XYLT1: variants seen among roughly 807,000 people sequenced by gnomAD.
XYLT1 encodes beta-D-xylosyltransferase 1.
A neutral mutation model predicts 91.3 loss-of-function variants in XYLT1; 36 were observed. The observed-to-expected ratio is 0.39, with a 90% CI of 0.30 to 0.52. The LOEUF (loss-of-function observed/expected upper bound fraction) is 0.52. XYLT1 is among the 20% of genes least tolerant of loss of function. The pLI is 0.68. For missense variants in XYLT1, 1,242 were observed against 1,284.5 expected, an observed-to-expected ratio of 0.97 and a Z score of 0.51; for synonymous variants, 588 against 532.0, an observed-to-expected ratio of 1.11 and a Z score of -1.45.
intron 2 of XYLT1, among the ~76,000 whole-genome samples, chr16:17,327,311 C>T (rs1024516772): frequency 6.0e-5 from 9 of 151,190 alleles, no homozygotes; most frequent in East Asian, 1.9e-4. Flanking sequence ...CAGCCATACT[C>T]GGGTTGAATG....
Position 17,104,943 on chromosome 16 carries a change from T to A in XYLT1, c.*3752A>T, listed in dbSNP as rs2141472246. On this transcript the variant is annotated 3_prime_UTR_variant, in exon 12 of 12. Transcript: ENST00000261381. ...TAAACATTTGTAACCCCTACCACAG[T>A]GTGTGGCTTTGATCCTGCAGGTCTA... 6.6e-6 allele frequency: 1 copy of A among 152,378 alleles called. No homozygotes were observed. The highest frequency in any genetic ancestry group is 1.9e-4 in the East Asian group (1 of 5,184). The allele number at this position is 152,378 out of a possible 1,614,324, so 9.4% of individuals were successfully genotyped here.
chr16:17,233,813 T>A (rs562162643), intron 3 of XYLT1, among the ~76,000 whole-genome samples: 36 of 152,270 alleles, frequency 2.4e-4, no homozygotes, highest in Non-Finnish European at 4.1e-4. Context: ...GGCATTGACA[T>A]CCTGCCTGGC....
intron 4 of XYLT1, among the ~76,000 whole-genome samples, chr16:17,200,206 C>T (rs539129568): frequency 7.0e-6 from 1 of 142,360 alleles, no homozygotes; most frequent in Admixed American, 7.1e-5. Flanking sequence ...GGTGACTGAG[C>T]GACATTCCAT....
intron 2 of XYLT1, among the ~76,000 whole-genome samples, chr16:17,292,753 T>C (rs577105612): frequency 2.6e-5 from 4 of 152,356 alleles, no homozygotes; most frequent in Non-Finnish European, 4.4e-5. Context: ...ATCATCCCTG[T>C]TGGCCCACAC....
chr16:17,320,736 T>A (rs978612110), intron 2 of XYLT1, among the ~76,000 whole-genome samples: 2 of 150,814 alleles, frequency 1.3e-5, no homozygotes, highest in Non-Finnish European at 2.9e-5. Context: ...CACCTTGCCC[T>A]CCCAAAGTGC....
chr16:17,213,907 G>A (rs112858541), intron 3 of XYLT1, among the ~76,000 whole-genome samples: 4,993 of 152,214 alleles, frequency 0.033, 119 homozygotes, highest in South Asian at 0.11. Context: ...ATGATCTGCC[G>A]CACCTAGCCA....
At chr16:17,131,089 C>G (rs1344977530) in intron 9 of XYLT1, among the ~76,000 whole-genome samples, 3 of 152,146 alleles carry the variant, frequency 2.0e-5, no homozygotes, top group Non-Finnish European at 4.4e-5. Context: ...CCGCCTGGAT[C>G]AAGGCTGAAT....
intron 3 of XYLT1, among the ~76,000 whole-genome samples, chr16:17,236,078 G>T (rs572746796): frequency 6.6e-6 from 1 of 152,282 alleles, no homozygotes; most frequent in East Asian, 1.9e-4. Flanking sequence ...TATTGGTCAG[G>T]CTGGTCTGGA....
At chr16:17,218,035 G>A (rs1179958516) in intron 3 of XYLT1, among the ~76,000 whole-genome samples, 1 of 151,856 alleles carries the variant, frequency 6.6e-6, no homozygotes, top group Non-Finnish European at 1.5e-5. Context: ...TTTGAGAGGT[G>A]GATCACAAGG....
At chr16:17,249,836 C>CTTTTGTTTTG (rs144586532) in intron 3 of XYLT1, 1 of 151,522 alleles carries the variant, frequency 6.6e-6, no homozygotes, top group Non-Finnish European at 1.5e-5. Flanking sequence ...ACCTGGCTAA[C>CTTTTGTTTTG]TTTTGTTTTG....
At chr16:17,193,909 G>A (rs529190555) in intron 5 of XYLT1, 1 of 152,358 alleles carries the variant, frequency 6.6e-6, no homozygotes, top group East Asian at 1.9e-4. Context: ...TGGCAAAGAA[G>A]AGTGGGCAAA....
Position 17,155,484 on chromosome 16 carries a change from A to G in XYLT1, c.1370+3345T>C, listed in dbSNP as rs558142362. 3.3e-5 allele frequency among the ~76,000 whole-genome samples: 5 copies of G among 152,280 alleles called. 1 individual carries two copies. The highest frequency in any genetic ancestry group is 3.3e-4 in the Admixed American group (5 of 15,306). ...AGCTGGGTTTCTGTCATTTCCCACC[A>G]AAAGAGTTCTCCCTAACACATCACC... On this transcript the variant is annotated intron_variant, in intron 6 of 11. Transcript: ENST00000261381.
chr16:17,436,095 C>A (rs1263497893), intron 1 of XYLT1, among the ~76,000 whole-genome samples: 1 of 152,140 alleles, frequency 6.6e-6, no homozygotes, highest in Non-Finnish European at 1.5e-5. Flanking sequence ...ATGGGAGTTC[C>A]CCTGCACATG....
At chr16:17,369,357 T>A (rs559071219) in intron 1 of XYLT1, among the ~76,000 whole-genome samples, 3 of 152,222 alleles carry the variant, frequency 2.0e-5, no homozygotes, top group South Asian at 4.1e-4. Flanking sequence ...GGTGAAATCA[T>A]GATATTCTGA....
At chr16:17,163,980 G>A (rs2031612573) in intron 5 of XYLT1, among the ~76,000 whole-genome samples, 1 of 137,018 alleles carries the variant, frequency 7.3e-6, no homozygotes. Flanking sequence ...GGAGGTTGCA[G>A]TGAGGAGAGA....
intron 1 of XYLT1, among the ~76,000 whole-genome samples, chr16:17,400,036 A>G (rs2035944387): frequency 6.6e-6 from 1 of 152,248 alleles, no homozygotes; most frequent in African/African-American, 2.4e-5. Flanking sequence ...CATCAGGCTA[A>G]CTGGCCCTCA....
intron 2 of XYLT1, among the ~76,000 whole-genome samples, chr16:17,338,736 C>G (rs996232309): frequency 6.6e-6 from 1 of 152,100 alleles, no homozygotes; most frequent in Non-Finnish European, 1.5e-5. Flanking sequence ...AGGTGCCCAC[C>G]ACCACAACTA....
chr16:17,354,470 C>T (rs908921461), intron 2 of XYLT1, among the ~76,000 whole-genome samples: 5 of 152,142 alleles, frequency 3.3e-5, no homozygotes, highest in African/African-American at 1.2e-4. Flanking sequence ...GAGAGGGATG[C>T]GTGAAGGAAA....
chr16:17,310,283 C>G (rs2034526983), intron 2 of XYLT1, among the ~76,000 whole-genome samples: 1 of 152,194 alleles, frequency 6.6e-6, no homozygotes, highest in African/African-American at 2.4e-5. Flanking sequence ...CTAAATTAAT[C>G]TTCATTCCAT....
Sources: gnomAD v4.1 joint callset for allele counts (sites outside exome capture counted in the v4.1 genomes callset) on GRCh38, gnomAD v4.1.1 for gene constraint, MANE v1.5 for transcripts, NCBI Gene and HGNC (gene_info 2026-07-23, HGNC 2026-07-21) for gene names.